ZNF292: variants seen among roughly 807,000 people sequenced by gnomAD.
ZNF292 encodes the protein zinc finger protein 292, also known as 16 zinc-finger domain protein.
Under a neutral mutation model 217.9 loss-of-function variants are expected in ZNF292, and 26 were observed. That is an observed-to-expected ratio of 0.12 (90% confidence interval 0.09 to 0.17). ZNF292 has a LOEUF of 0.17. ZNF292 is among the 10% of genes least tolerant of loss of function. The pLI, the probability that ZNF292 is intolerant of heterozygous loss-of-function variation, is 1.00. For synonymous variants in ZNF292, 1,257 were observed against 1,124.1 expected, an observed-to-expected ratio of 1.12 and a Z score of -2.37; for missense variants, 2,904 against 3,175.2, an observed-to-expected ratio of 0.91 and a Z score of 2.05.
intron 1 of ZNF292, among the ~76,000 whole-genome samples, chr6:87,203,231 C>T (rs1280653179): frequency 6.6e-6 from 1 of 150,714 alleles, no homozygotes; most frequent in Non-Finnish European, 1.5e-5. Context: ...ACCTTGACCT[C>T]CAAGGTTAAG....
chr6:87,200,847 A>G (rs1435195801), intron 1 of ZNF292, among the ~76,000 whole-genome samples: 2 of 152,206 alleles, frequency 1.3e-5, no homozygotes, highest in Non-Finnish European at 2.9e-5. Flanking sequence ...ACATCCTAGC[A>G]TTGAGTATAT....
intron 4 of ZNF292, among the ~76,000 whole-genome samples, chr6:87,226,875 T>A (rs1773383029): frequency 6.6e-6 from 1 of 151,826 alleles, no homozygotes; most frequent in African/African-American, 2.4e-5. Flanking sequence ...AGACGGGGTT[T>A]CACTATGTTG....
At chr6:87,216,106 TAGACACACACACACACACACAC>T (rs747518173) in intron 2 of ZNF292, 49 bp downstream of exon 2, 78,958 of 949,992 alleles carry the variant, frequency 0.083, 7,143 homozygotes, top group South Asian at 0.13. Context: ...TAAAAATACA[TAGACACACACACACACACACAC>T]ACACACACAC....
At chr6:87,178,904 C>T (rs1395432479) in intron 1 of ZNF292, among the ~76,000 whole-genome samples, 45 of 152,030 alleles carry the variant, frequency 3.0e-4, no homozygotes, top group Admixed American at 2.9e-3. Flanking sequence ...AAGCATTTTA[C>T]CCTTGTGGAG....
At chr6:87,164,044 C>T (rs546893188) in intron 1 of ZNF292, among the ~76,000 whole-genome samples, 14 of 152,290 alleles carry the variant, frequency 9.2e-5, no homozygotes, top group East Asian at 1.9e-4. Flanking sequence ...CACCTCGCCC[C>T]GCCAAGTATC....
In ZNF292 at chr6:87,261,197, A is replaced by G. The variant is rs758911969; in HGVS notation, c.7568A>G (p.Glu2523Gly). 1.2e-6 allele frequency: 2 copies of G among 1,611,706 alleles called. No homozygotes were observed. The highest frequency in any genetic ancestry group is 1.1e-5 in the South Asian group (1 of 90,624). ...DFQEDNLCQS[E>G]RQKASNLKRV... Reference sequence around the variant, plus strand: ...CAGGAAGATAACCTCTGCCAGTCAGAAAGACAAAAAGCAAGTAATTTGAAG... The same window carrying G: ...CAGGAAGATAACCTCTGCCAGTCAGGAAGACAAAAAGCAAGTAATTTGAAG... Residue 2523 changes from glutamate to glycine, a missense_variant, in exon 8 of 8, where the codon GAA becomes GGA. Transcript: ENST00000369577.
intron 1 of ZNF292, among the ~76,000 whole-genome samples, chr6:87,167,121 A>G (rs1283536707): frequency 6.6e-6 from 1 of 152,216 alleles, no homozygotes; most frequent in Non-Finnish European, 1.5e-5. Context: ...AAATACTACC[A>G]TTTATTTCCT....
At chr6:87,216,170 AAG>A (rs1772764038) in intron 2 of ZNF292, 113 bp downstream of exon 2, 9 of 1,271,448 alleles carry the variant, frequency 7.1e-6, no homozygotes, top group Non-Finnish European at 9.9e-6. Context: ...ATTAAATCTC[AAG>A]TCTTATAGTT....
chr6:87,237,145 CTT>C (rs1233866959), intron 5 of ZNF292, among the ~76,000 whole-genome samples: 1 of 151,942 alleles, frequency 6.6e-6, no homozygotes, highest in Non-Finnish European at 1.5e-5. Flanking sequence ...TTGATTAACT[CTT>C]GATTTTATAT....
intron 4 of ZNF292, among the ~76,000 whole-genome samples, chr6:87,230,305 A>T (rs189854621): frequency 4.6e-5 from 7 of 152,340 alleles, no homozygotes; most frequent in Non-Finnish European, 7.3e-5. Flanking sequence ...CTTTAGGGGG[A>T]ATCTAGGACC....
rs918124722 is a variant in ZNF292, at chr6:87,264,038, A to G, written c.*2237A>G. On this transcript the variant is annotated 3_prime_UTR_variant, in exon 8 of 8. Transcript: ENST00000369577. ...AATTTTTATATTCCAGGTAATGTATACTAAAGGTAATTATGAGAGTGGGCT... is the reference window on the plus strand; with the variant it reads ...AATTTTTATATTCCAGGTAATGTATGCTAAAGGTAATTATGAGAGTGGGCT... 1 of 152,172 alleles carries G rather than the reference A, an allele frequency of 6.6e-6. No individual in the cohort carries two copies. Among genetic ancestry groups the G allele is most frequent in the African/African-American group, 2.4e-5 (1 of 41,442 alleles). The allele number at this position is 152,172 out of a possible 1,614,324, so 9.4% of individuals were successfully genotyped here. A position where few individuals can be genotyped will look rare whatever the true frequency, so the allele number is the denominator to read the frequency against.
chr6:87,242,720 T>C (rs1363904352), intron 5 of ZNF292, among the ~76,000 whole-genome samples: 1 of 152,208 alleles, frequency 6.6e-6, no homozygotes, highest in Non-Finnish European at 1.5e-5. Flanking sequence ...CAGATGCTTG[T>C]AGCAATCACA....
At position 87,205,049 on chromosome 6, in the gene ZNF292, A is replaced by C. The variant is rs576027797; in HGVS notation, c.169-10854A>C. Among the ~76,000 whole-genome samples the C allele has an allele frequency of 7.0e-3, 1,060 of 152,168 alleles. 6 individuals carry two copies. Among genetic ancestry groups the C allele is most frequent in the South Asian group, 0.012 (56 of 4,822 alleles). On this transcript the variant is annotated intron_variant, in intron 1 of 7. Transcript: ENST00000369577. The stretch of plus-strand genomic sequence containing the variant: ...AATAAAGAGATTATCTGTTTCCTAA[A>C]GAATTGTTTGCTGGGGTTTTTTCCC...
intron 5 of ZNF292, among the ~76,000 whole-genome samples, chr6:87,242,273 C>T (rs1774330927): frequency 6.6e-6 from 1 of 152,172 alleles, no homozygotes. Context: ...TCAGTCTTAA[C>T]TCTTCCACTA....
intron 1 of ZNF292, among the ~76,000 whole-genome samples, chr6:87,162,289 A>T (rs1488876254): frequency 6.6e-6 from 1 of 152,252 alleles, no homozygotes; most frequent in Admixed American, 6.5e-5. Context: ...TTACATATTT[A>T]GGACATTTCT....
Position 87,255,661 on chromosome 6 carries a change from G to A in ZNF292, c.2032G>A (p.Val678Ile). 2 of 1,613,194 alleles carry A rather than the reference G, an allele frequency of 1.2e-6. No individual in the cohort carries two copies. The highest frequency in any genetic ancestry group is 1.7e-6 in the Non-Finnish European group (2 of 1,179,528). The change falls in exon 8 of 8, where the codon GTT becomes ATT. Residue 678 changes from valine (V) to isoleucine (I), a missense_variant. Around this residue, in one of 15 missense-constraint regions of ZNF292, gnomAD observed 216 missense variants for 308.3 expected, o/e 0.70. Transcript: ENST00000369577. ...GATTCCAGTCCAGAAACCAGTACCT[G>A]TTAATGAATTTAATTGCCCTGTAAC... is the stretch of plus-strand genomic sequence containing the variant. ...EVIPVQKPVP[V>I]NEFNCPVTFC...
chr6:87,224,996 C>A (rs1423751395), intron 4 of ZNF292, among the ~76,000 whole-genome samples: 1 of 152,112 alleles, frequency 6.6e-6, no homozygotes, highest in Non-Finnish European at 1.5e-5. Context: ...TGAATAATTC[C>A]TTTTGCCCCA....
chr6:87,207,680 T>C (rs1772303372), intron 1 of ZNF292, among the ~76,000 whole-genome samples: 1 of 152,206 alleles, frequency 6.6e-6, no homozygotes, highest in Admixed American at 6.5e-5. Context: ...ACGTAAATTA[T>C]TGTATTTTTT....
chr6:87,216,028 T>C lies in ZNF292; in HGVS notation c.294T>C (p.Asn98=), dbSNP rs377546821. ...ARPYLTSECE[N]VALVLERLAL... is the part of the protein sequence containing the mutation. ...CTTATCTTACCTCTGAATGTGAAAA[T>C]GTAGCCTTGGTTCTGGAACGCTTGG... The change falls in exon 2 of 8, where the codon AAT becomes AAC. Residue 98 remains asparagine (N), a synonymous_variant. Transcript: ENST00000369577. 7 of 1,573,936 alleles carry C rather than the reference T, an allele frequency of 4.4e-6. No homozygotes were observed. Among genetic ancestry groups the C allele is most frequent in the Non-Finnish European group, 6.0e-6 (7 of 1,166,630 alleles).
Sources: allele counts gnomAD v4.1 joint callset (sites outside exome capture counted in the v4.1 genomes callset), GRCh38; gene constraint gnomAD v4.1.1; regional missense constraint gnomAD v4.1.1; transcripts MANE v1.5; gene names NCBI Gene and HGNC (gene_info 2026-07-23, HGNC 2026-07-21).